NMT2: variants seen among roughly 807,000 people sequenced by gnomAD.
NMT2 encodes the protein N-myristoyltransferase 2, also known as glycylpeptide N-tetradecanoyltransferase 2.
Under a neutral mutation model 65.4 loss-of-function variants are expected in NMT2, and 35 were observed. The observed-to-expected ratio is 0.54, with a 90% CI of 0.41 to 0.71. NMT2 has a LOEUF of 0.71. Among genes scored for constraint, NMT2 ranks in the 30% least tolerant of loss-of-function variants. The pLI is 0.00. For missense variants in NMT2, 489 were observed against 611.3 expected, an observed-to-expected ratio of 0.80 and a Z score of 2.11; for synonymous variants, 226 against 231.8, an observed-to-expected ratio of 0.98 and a Z score of 0.23.
intron 4 of NMT2, 28 bp from the exon 5 acceptor site, chr10:15,133,172 A>C: frequency 1.2e-6 from 2 of 1,604,874 alleles, no homozygotes; most frequent in East Asian, 4.5e-5. Context: ...TGTCCTATCC[A>C]TGGTGCTCAG....
intron 1 of NMT2, chr10:15,155,356 C>T (rs12184372): frequency 1.2e-6 from 1 of 834,952 alleles, no homozygotes; most frequent in Non-Finnish European, 2.0e-6. Context: ...GCGGTGGCGT[C>T]TGCAAAGCCT....
At chr10:15,152,362 A>G (rs79251353) in intron 1 of NMT2, among the ~76,000 whole-genome samples, 1,840 of 152,328 alleles carry the variant, frequency 0.012, 21 homozygotes, top group Non-Finnish European at 0.018. Context: ...AAGCAGAGAA[A>G]TACCACAGAG....
chr10:15,150,097 AT>A (rs1177115919), intron 1 of NMT2, among the ~76,000 whole-genome samples: 5 of 152,230 alleles, frequency 3.3e-5, no homozygotes, highest in African/African-American at 1.2e-4. Flanking sequence ...TAGGAAAAAA[AT>A]ATGAGGTTTT....
rs139235898 is a variant in NMT2, at chr10:15,156,636, C to T, written c.110+11867G>A. ...GTTTCAGGCCAGGCGCGGTGGCTCACGCCTGTAATCTAAGCACTTTGGGAG... is the reference window on the plus strand; with the variant it reads ...GTTTCAGGCCAGGCGCGGTGGCTCATGCCTGTAATCTAAGCACTTTGGGAG... On this transcript the variant is annotated intron_variant, in intron 1 of 11. Transcript: ENST00000378165. Among the ~76,000 whole-genome samples, 1,122 of 152,272 alleles carry T rather than the reference C, an allele frequency of 7.4e-3. 16 individuals carry two copies. Among genetic ancestry groups the T allele is most frequent in the African/African-American group, 0.026 (1,073 of 41,558 alleles).
At chr10:15,128,864 G>A (rs1224689952) in intron 7 of NMT2, among the ~76,000 whole-genome samples, 6 of 152,088 alleles carry the variant, frequency 3.9e-5, no homozygotes, top group African/African-American at 7.2e-5. Flanking sequence ...AATTAGCCAG[G>A]CACGGTGGTG....
chr10:15,143,291 T>C (rs1158607502), intron 1 of NMT2, among the ~76,000 whole-genome samples: 2 of 152,224 alleles, frequency 1.3e-5, no homozygotes, highest in Non-Finnish European at 2.9e-5. Context: ...AAAATCATGG[T>C]GGACATGCCT....
chr10:15,163,022 T>A (rs910344603), intron 1 of NMT2, among the ~76,000 whole-genome samples: 1 of 151,804 alleles, frequency 6.6e-6, no homozygotes, highest in African/African-American at 2.4e-5. Flanking sequence ...CTGAAGCAAT[T>A]CTCCCATCTC....
At chr10:15,147,724 CAT>C (rs998421290) in intron 1 of NMT2, among the ~76,000 whole-genome samples, 5 of 152,090 alleles carry the variant, frequency 3.3e-5, no homozygotes, top group African/African-American at 1.2e-4. Context: ...ATTTACTCCA[CAT>C]GTTTCTAGTG....
intron 1 of NMT2, among the ~76,000 whole-genome samples, chr10:15,142,825 CAT>C (rs948907742): frequency 6.6e-6 from 1 of 152,120 alleles, no homozygotes; most frequent in African/African-American, 2.4e-5. Flanking sequence ...ATTAAACAAA[CAT>C]ATCACAGCCA....
Position 15,112,875 on chromosome 10 carries a change from G to C in NMT2, c.1259C>G (p.Ala420Gly). ...MHHPAHKSLK[A>G]AYSFYNIHTE... The stretch of plus-strand genomic sequence containing the variant: ...GTGGATGTTGTAGAATGAGTAGGCG[G>C]CTTTGAGGCTCTTGTGAGCAGGGTG... Residue 420 changes from alanine (A) to glycine (G), a missense_variant, in exon 10 of 12, where the codon GCC becomes GGC. By Grantham distance (60) the Ala-to-Gly change is moderately conservative. Transcript: ENST00000378165. The C allele has an allele frequency of 1.1e-5, 17 of 1,614,114 alleles. No individual in the cohort carries two copies. The highest frequency in any genetic ancestry group is 1.3e-5 in the Non-Finnish European group (15 of 1,180,010).
At position 15,135,316 on chromosome 10, in the gene NMT2, G is replaced by A; in HGVS notation, c.349C>T (p.His117Tyr). Residue 117 changes from histidine (H) to tyrosine (Y), a missense_variant, in exon 3 of 12, where the codon CAC becomes TAC. By Grantham distance (83) the His-to-Tyr change is moderately conservative. Coordinates refer to ENST00000378165, the MANE Select transcript of NMT2 (RefSeq NM_004808.3). ...PARNIDEAAK[H>Y]RYQFWDTQPV... ...TGTGTGTCCCAAAACTGGTATCTGT[G>A]CTTTGCAGCCTCATCAATGTTCCTG... 1 of 1,614,104 alleles carries A rather than the reference G, an allele frequency of 6.2e-7. No homozygotes were observed. Among genetic ancestry groups the A allele is most frequent in the Non-Finnish European group, 8.5e-7 (1 of 1,180,034 alleles).
chr10:15,113,651 T>C (rs1269372957), intron 9 of NMT2, among the ~76,000 whole-genome samples: 1 of 152,022 alleles, frequency 6.6e-6, no homozygotes, highest in African/African-American at 2.4e-5. Context: ...AACTAAAAGA[T>C]ACTGTGTACT....
intron 1 of NMT2, among the ~76,000 whole-genome samples, chr10:15,143,567 A>T (rs146165834): frequency 0.011 from 1,619 of 152,332 alleles, 10 homozygotes; most frequent in Non-Finnish European, 0.018. Context: ...TCAGTTAGTA[A>T]TTTGCTCAGC....
At chr10:15,141,388 C>A (rs1203112363) in intron 2 of NMT2, 34 bp downstream of exon 2, 3 of 1,612,574 alleles carry the variant, frequency 1.9e-6, no homozygotes, top group Admixed American at 3.4e-5. Flanking sequence ...GCACGAGAAA[C>A]CACACAGAGG....
At chr10:15,112,214 ATATTTTTTTTTTTTT>A (rs1845578188) in intron 10 of NMT2, among the ~76,000 whole-genome samples, 1 of 15,866 alleles carries the variant, frequency 6.3e-5, no homozygotes, top group African/African-American at 3.7e-4. Flanking sequence ...ATATATATAT[ATATTTTTTTTTTTTT>A]TTTTTTTTTT....
intron 1 of NMT2, chr10:15,168,255 G>C: frequency 2.6e-6 from 1 of 380,770 alleles, no homozygotes; most frequent in Non-Finnish European, 4.7e-6. Flanking sequence ...CGCGCGGCAA[G>C]TGACAGTAGC....
chr10:15,121,078 A>G (rs1183474696), intron 8 of NMT2, among the ~76,000 whole-genome samples: 1 of 152,230 alleles, frequency 6.6e-6, no homozygotes. Flanking sequence ...ACTTGAGACT[A>G]AAAGTCAGGA....
At chr10:15,113,463 CAAAAAAAAAAAAAAA>C (rs1169255963) in intron 9 of NMT2, among the ~76,000 whole-genome samples, 1 of 37,004 alleles carries the variant, frequency 2.7e-5, no homozygotes, top group African/African-American at 9.2e-5. Flanking sequence ...GGATGAGACT[CAAAAAAAAAAAAAAA>C]AAAAAAAAAA....
In NMT2 at chr10:15,135,412, TG is replaced by T; in HGVS notation, c.252del (p.Ser85ValfsTer46). ...EIKIQQPSKN[P>X]SVPMQKLQDI... ...TCCTGCAACTTCTGCATTGGAACAC[TG>T]GGATTCTACGACAGCAAAGACAGAC... On this transcript the variant is annotated frameshift_variant, in exon 3 of 12. Coordinates refer to ENST00000378165, the MANE Select transcript of NMT2 (RefSeq NM_004808.3). LOFTEE classifies it high-confidence loss of function. 1.2e-6 allele frequency: 2 copies of T among 1,613,958 alleles called. No individual in the cohort carries two copies. The highest frequency in any genetic ancestry group is 4.5e-5 in the East Asian group (2 of 44,872).
Sources: gnomAD v4.1 joint callset for allele counts (sites outside exome capture counted in the v4.1 genomes callset) on GRCh38, gnomAD v4.1.1 for gene constraint, MANE v1.5 for transcripts, NCBI Gene and HGNC (gene_info 2026-07-23, HGNC 2026-07-21) for gene names.